Variants in COL22A1 observed in about 807,000 individuals in gnomAD.
The protein encoded by COL22A1 is collagen type XXII alpha 1 chain, also known as collagen alpha-1(XXII) chain.
A neutral mutation model predicts 248.9 loss-of-function variants in COL22A1; 221 were observed. That is an observed-to-expected ratio of 0.89 (90% CI 0.80 to 0.99). COL22A1 has a LOEUF of 0.99. Among genes scored for constraint, COL22A1 ranks in the 50% least tolerant of loss-of-function variants. COL22A1 has a pLI of 0.00. For synonymous variants in COL22A1, 891 were observed against 793.4 expected, an observed-to-expected ratio of 1.12 and a Z score of -2.07; for missense variants, 2,240 against 2,179.0, an observed-to-expected ratio of 1.03 and a Z score of -0.56.
intron 56 of COL22A1, among the ~76,000 whole-genome samples, chr8:138,612,862 G>A (rs1818980447): frequency 6.8e-6 from 1 of 146,930 alleles, no homozygotes; most frequent in Non-Finnish European, 1.5e-5. Context: ...CTTGAGCCCA[G>A]GAGGCAGAGG....
chr8:138,598,823 G>A lies in COL22A1; in HGVS notation c.4261C>T (p.His1421Tyr), dbSNP rs1587635479. 6.2e-7 allele frequency: 1 copy of A among 1,614,158 alleles called. No individual in the cohort carries two copies. The highest frequency in any genetic ancestry group is 1.6e-4 in the Middle Eastern group (1 of 6,062). ...CCCATCAGGCCTGTGTGGCCTTTGT[G>A]GCCTGGGATTCCAGGGTCCCCAGGC... ...GQPGDPGIPG[H>Y]KGHTGLMGPQ... The change falls in exon 61 of 65, where the codon CAC (histidine) becomes TAC (tyrosine). Residue 1421 changes from histidine to tyrosine, a missense_variant. By Grantham distance (83) the His-to-Tyr change is moderately conservative. Coordinates refer to ENST00000303045, the MANE Select transcript of COL22A1 (RefSeq NM_152888.3).
intron 21 of COL22A1, among the ~76,000 whole-genome samples, chr8:138,754,779 C>T (rs1042022101): frequency 4.6e-5 from 7 of 152,198 alleles, no homozygotes; most frequent in South Asian, 2.1e-4. Context: ...AAAGTGAGTG[C>T]GTTGGAAGTG....
Position 138,840,301 on chromosome 8 carries a change from T to C in COL22A1, c.733+3783A>G, listed in dbSNP as rs565274215. ...AGCAGGTTCTCTGTGCATTCAGAAC[T>C]GCACAAACAGTATTTGCTCTTCAGA... is the stretch of plus-strand genomic sequence containing the variant. On this transcript the variant is annotated intron_variant, in intron 4 of 64. Transcript: ENST00000303045. Among the ~76,000 whole-genome samples, 4 of 152,212 alleles carry C rather than the reference T, an allele frequency of 2.6e-5. No homozygotes were observed. In the East Asian group the frequency reaches 7.8e-4, roughly 29 times the overall value.
chr8:138,892,861 C>T (rs533943666), intron 1 of COL22A1, among the ~76,000 whole-genome samples: 2 of 152,202 alleles, frequency 1.3e-5, no homozygotes, highest in Admixed American at 6.5e-5. Flanking sequence ...CTGCCCATTG[C>T]GGGTGGGGGC....
At chr8:138,856,520 G>T (rs1822021517) in intron 3 of COL22A1, among the ~76,000 whole-genome samples, 1 of 151,850 alleles carries the variant, frequency 6.6e-6, no homozygotes, top group Non-Finnish European at 1.5e-5. Context: ...GAGAAGCAGA[G>T]AAAGCAAGAG....
intron 32 of COL22A1, among the ~76,000 whole-genome samples, chr8:138,696,764 A>G (rs1827540876): frequency 6.6e-6 from 1 of 152,236 alleles, no homozygotes; most frequent in Non-Finnish European, 1.5e-5. Context: ...AGGAGGTTTC[A>G]ACGGATGCCA....
intron 3 of COL22A1, among the ~76,000 whole-genome samples, chr8:138,863,880 C>T (rs1045829785): frequency 1.3e-5 from 2 of 151,854 alleles, no homozygotes; most frequent in Non-Finnish European, 2.9e-5. Flanking sequence ...GATTTCTGCC[C>T]GAATCCACAC....
chr8:138,821,297 G>A lies in COL22A1; in HGVS notation c.1084C>T (p.Arg362Trp), dbSNP rs752684928. The part of the protein sequence containing the change: ...RGSRVNDLFD[R>W]DWHKMALSIQ... ...CTCAGGGCCATCTTGTGCCAGTCCC[G>A]GTCAAAGAGGTCATTGACCCGAGAA... is the stretch of plus-strand genomic sequence containing the variant. Residue 362 changes from arginine (R) to tryptophan (W), a missense_variant, in exon 7 of 65, where the codon CGG becomes TGG. Coordinates refer to ENST00000303045, the MANE Select transcript of COL22A1 (RefSeq NM_152888.3). 9.9e-6 allele frequency: 16 copies of A among 1,614,130 alleles called. No homozygotes were observed. Among genetic ancestry groups the A allele is most frequent in the African/African-American group, 6.7e-5 (5 of 75,016 alleles).
intron 37 of COL22A1, among the ~76,000 whole-genome samples, chr8:138,686,638 G>T (rs60371891): frequency 2.0e-5 from 3 of 152,010 alleles, no homozygotes; most frequent in Non-Finnish European, 4.4e-5. Flanking sequence ...TCCAAATCCC[G>T]GGCCCGGCCC....
Position 138,755,119 on chromosome 8 carries a change from G to A in COL22A1, c.2031+38C>T, listed in dbSNP as rs771332394. 51 of 1,605,440 alleles carry A rather than the reference G, an allele frequency of 3.2e-5. No homozygotes were observed. In the Middle Eastern group the frequency reaches 5.0e-4, roughly 16 times the overall value. On this transcript the variant is annotated intron_variant, in intron 21 of 64. Transcript: ENST00000303045. Reference sequence around the variant, plus strand: ...TTCCAAACCCATTGGTAAGAGAAGCGTGCAGAGCAAACCCTGCGCAGGAGA... The same window carrying A: ...TTCCAAACCCATTGGTAAGAGAAGCATGCAGAGCAAACCCTGCGCAGGAGA...
At chr8:138,623,891 T>G in intron 51 of COL22A1, 106 bp from the exon 52 acceptor site, 4 of 927,694 alleles carry the variant, frequency 4.3e-6, no homozygotes, top group Non-Finnish European at 6.6e-6. Flanking sequence ...AGCAGTTGCC[T>G]TCACAGTTGG....
chr8:138,771,935 G>A (rs754308622), intron 16 of COL22A1, among the ~76,000 whole-genome samples: 15 of 152,190 alleles, frequency 9.9e-5, no homozygotes, highest in African/African-American at 2.9e-4. Context: ...TCCAGGAAGC[G>A]TGGAGATCAT....
chr8:138,767,309 C>T (rs1211777626), intron 16 of COL22A1, among the ~76,000 whole-genome samples: 1 of 152,026 alleles, frequency 6.6e-6, no homozygotes, highest in African/African-American at 2.4e-5. Flanking sequence ...GGACCAGCAA[C>T]AGGGGAACAG....
chr8:138,725,427 G>T lies in COL22A1; in HGVS notation c.2153C>A (p.Pro718His), dbSNP rs1017868991. The T allele has an allele frequency of 6.2e-7, 1 of 1,613,938 alleles. No individual in the cohort carries two copies. The highest frequency in any genetic ancestry group is 8.5e-7 in the Non-Finnish European group (1 of 1,179,964). The part of the protein sequence containing the change: ...GLLGLQGPPG[P>H]PGVPGPPGPG... Reference sequence around the variant, plus strand: ...TCCAGGGGGGCCTGGGACACCAGGGGGTCCTGGAGGGCCCTGTAGAGAAAG... The same window carrying T: ...TCCAGGGGGGCCTGGGACACCAGGGTGTCCTGGAGGGCCCTGTAGAGAAAG... Residue 718 changes from proline (P) to histidine (H), a missense_variant, in exon 24 of 65, where the codon CCC (proline) becomes CAC (histidine). Coordinates refer to ENST00000303045, the MANE Select transcript of COL22A1 (RefSeq NM_152888.3).
At chr8:138,613,602 G>C (rs771383197) in intron 56 of COL22A1, among the ~76,000 whole-genome samples, 1 of 151,934 alleles carries the variant, frequency 6.6e-6, no homozygotes, top group East Asian at 1.9e-4. Context: ...GCACAGCCTC[G>C]GGGCAAGGTC....
chr8:138,824,131 TC>T (rs1283508029), intron 6 of COL22A1, among the ~76,000 whole-genome samples: 1 of 152,198 alleles, frequency 6.6e-6, no homozygotes, highest in African/African-American at 2.4e-5. Context: ...ATCTAATACT[TC>T]TAATACATAT....
At chr8:138,603,292 C>G (rs917277558) in intron 59 of COL22A1, among the ~76,000 whole-genome samples, 3 of 152,190 alleles carry the variant, frequency 2.0e-5, no homozygotes, top group African/African-American at 7.2e-5. Flanking sequence ...GATTTAATTG[C>G]TGTAACATAA....
chr8:138,740,024 C>T (rs1245025127), intron 22 of COL22A1, among the ~76,000 whole-genome samples: 1 of 152,210 alleles, frequency 6.6e-6, no homozygotes, highest in African/African-American at 2.4e-5. Flanking sequence ...CTGATTAATG[C>T]AGACATCGGG....
intron 47 of COL22A1, among the ~76,000 whole-genome samples, chr8:138,637,546 G>T (rs1267143143): frequency 6.6e-6 from 1 of 152,174 alleles, no homozygotes; most frequent in Non-Finnish European, 1.5e-5. Flanking sequence ...ACTTGGCATA[G>T]AGCCCAGAAC....
Sources: gnomAD v4.1 joint callset for allele counts (sites outside exome capture counted in the v4.1 genomes callset) on GRCh38, gnomAD v4.1.1 for gene constraint, MANE v1.5 for transcripts, NCBI Gene and HGNC (gene_info 2026-07-23, HGNC 2026-07-21) for gene names.